The following MAU2 variants were observed in gnomAD, a reference collection of about 807,000 sequenced individuals.
MAU2 encodes the protein MAU2 chromatid cohesion factor homolog.
MAU2 carries 9 observed loss-of-function variants against 89.1 expected under a neutral mutation model. That is an observed-to-expected ratio of 0.10 (90% CI 0.06 to 0.18). The LOEUF is 0.18. Among genes scored for constraint, MAU2 ranks in the 10% least tolerant of loss-of-function variants. The pLI, the probability that MAU2 is intolerant of heterozygous loss-of-function variation, is 1.00. For synonymous variants in MAU2, 357 were observed against 343.4 expected (o/e 1.04, Z -0.44); for missense variants, 425 against 803.5 (o/e 0.53, Z 5.69).
chr19:19,324,772 G>A (rs910734094), intron 1 of MAU2, among the ~76,000 whole-genome samples: 5 of 152,104 alleles, frequency 3.3e-5, no homozygotes, highest in African/African-American at 9.7e-5. Flanking sequence ...TGGAAATCCC[G>A]TTCTTTTTGT....
chr19:19,349,341 A>G lies in MAU2; in HGVS notation c.1453A>G (p.Thr485Ala). Reference protein sequence around the residue: ...YNEAKRFLRETLKMSNAEDLN... With the variant: ...YNEAKRFLREALKMSNAEDLN... Reference sequence around the variant, plus strand: ...CCTTGTCAGGCGATTTCTGCGGGAAACTCTGAAGATGTCCAATGCTGAGGA... The same window carrying G: ...CCTTGTCAGGCGATTTCTGCGGGAAGCTCTGAAGATGTCCAATGCTGAGGA... The change falls in exon 16 of 19, where the codon ACT becomes GCT. Residue 485 changes from threonine (T) to alanine (A), a missense_variant. Physicochemically the swap from Thr to Ala is moderately conservative, Grantham distance 58. Around this residue, in one of 11 missense-constraint regions of MAU2, gnomAD observed 66 missense variants for 129.1 expected, o/e 0.51. Transcript: ENST00000262815. 1 of 1,613,816 alleles carries G rather than the reference A, an allele frequency of 6.2e-7. No homozygotes were observed. The highest frequency in any genetic ancestry group is 8.5e-7 in the Non-Finnish European group (1 of 1,179,922).
In MAU2 at chr19:19,340,646, T is replaced by A. The variant is rs188825634; in HGVS notation, c.552-200T>A. 4.5e-3 allele frequency among the ~76,000 whole-genome samples: 680 copies of A among 151,910 alleles called. 6 individuals carry two copies. The highest frequency in any genetic ancestry group is 0.016 in the African/African-American group (659 of 41,394). On this transcript the variant is annotated intron_variant, in intron 5 of 18. Coordinates refer to ENST00000262815, the MANE Select transcript of MAU2 (RefSeq NM_015329.4). Reference sequence around the variant, plus strand: ...AGAGCGAGACTCCGTCTCAAAAAAATAAATAAATAAATAAAAATAAAAATA... The same window carrying A: ...AGAGCGAGACTCCGTCTCAAAAAAAAAAATAAATAAATAAAAATAAAAATA...
intron 9 of MAU2, 90 bp downstream of exon 9, chr19:19,342,956 CTG>C: frequency 7.2e-7 from 1 of 1,395,478 alleles, no homozygotes; most frequent in Non-Finnish European, 1.0e-6. Flanking sequence ...CCCAGTGACC[CTG>C]TGTGACCGCA....
chr19:19,355,825 C>G lies in MAU2; in HGVS notation c.*43C>G. ...CCAGCTCCGCAGGGCCTGCGCGTCT[C>G]CGGCTTCCACCCAGACGGCACTCAA... On this transcript the variant is annotated 3_prime_UTR_variant, in exon 19 of 19. Transcript: ENST00000262815. The G allele has an allele frequency of 6.4e-7, 1 of 1,551,074 alleles. No individual in the cohort carries two copies. Among genetic ancestry groups the G allele is most frequent in the Non-Finnish European group, 8.8e-7 (1 of 1,135,582 alleles).
At chr19:19,323,585 C>A (rs1356392800) in intron 1 of MAU2, among the ~76,000 whole-genome samples, 1 of 152,176 alleles carries the variant, frequency 6.6e-6, no homozygotes, top group East Asian at 1.9e-4. Context: ...CAGCTCACTG[C>A]AGCCTTGACC....
intron 3 of MAU2, 33 bp downstream of exon 3, chr19:19,336,220 T>G (rs371568276): frequency 1.2e-5 from 18 of 1,461,924 alleles, no homozygotes; most frequent in Non-Finnish European, 1.6e-5. Flanking sequence ...GAAAGCAAAG[T>G]GTCTCTCCGT....
intron 1 of MAU2, among the ~76,000 whole-genome samples, chr19:19,323,368 T>C (rs2061479071): frequency 6.6e-6 from 1 of 151,948 alleles, no homozygotes. Context: ...CTAATTTTTG[T>C]ATTTTTAGTA....
intron 16 of MAU2, among the ~76,000 whole-genome samples, chr19:19,350,616 A>AG (rs1050299307): frequency 6.1e-5 from 9 of 147,904 alleles, no homozygotes; most frequent in African/African-American, 2.0e-4. Flanking sequence ...TCAAAAAAAA[A>AG]AAGGCCGGGC....
At chr19:19,334,788 C>T (rs1330975342) in intron 1 of MAU2, among the ~76,000 whole-genome samples, 1 of 152,206 alleles carries the variant, frequency 6.6e-6, no homozygotes, top group Non-Finnish European at 1.5e-5. Context: ...CCTGCTCCCC[C>T]TTTTCCTGGA....
intron 4 of MAU2, among the ~76,000 whole-genome samples, chr19:19,338,474 C>T (rs893849610): frequency 2.0e-5 from 3 of 152,220 alleles, no homozygotes; most frequent in Admixed American, 6.5e-5. Flanking sequence ...CTTGTCGGCC[C>T]TGGAACACAC....
At chr19:19,328,903 G>A (rs1051724147) in intron 1 of MAU2, among the ~76,000 whole-genome samples, 1 of 152,094 alleles carries the variant, frequency 6.6e-6, no homozygotes, top group Non-Finnish European at 1.5e-5. Context: ...TTTTCTGACT[G>A]CGTATGCCAT....
chr19:19,322,185 A>AGATGG (rs1261468256), intron 1 of MAU2, among the ~76,000 whole-genome samples: 1 of 152,060 alleles, frequency 6.6e-6, no homozygotes, highest in Non-Finnish European at 1.5e-5. Flanking sequence ...TTTTTAGTAG[A>AGATGG]GATGGGGTTT....
intron 7 of MAU2, 146 bp downstream of exon 7, chr19:19,341,553 C>A: frequency 2.0e-6 from 2 of 1,001,322 alleles, no homozygotes; most frequent in Non-Finnish European, 2.9e-6. Flanking sequence ...CCCGGACACA[C>A]ACACTCCTGT....
chr19:19,343,481 C>T (rs1178926455), intron 9 of MAU2, among the ~76,000 whole-genome samples: 1 of 151,476 alleles, frequency 6.6e-6, no homozygotes, highest in Non-Finnish European at 1.5e-5. Context: ...GGTCCCCCTA[C>T]CCGACTGCCT....
intron 16 of MAU2, among the ~76,000 whole-genome samples, chr19:19,351,114 C>T (rs2061740232): frequency 1.3e-5 from 2 of 151,918 alleles, no homozygotes; most frequent in Non-Finnish European, 2.9e-5. Context: ...ATGATCTCAG[C>T]TCAGCTCGTG....
Position 19,357,146 on chromosome 19 carries a change from TG to T in MAU2, c.*1365del, listed in dbSNP as rs2048188950. 6.6e-6 allele frequency: 1 copy of T among 152,268 alleles called. No individual in the cohort carries two copies. The highest frequency in any genetic ancestry group is 6.5e-5 in the Admixed American group (1 of 15,280). 9.4% of individuals were successfully genotyped at this position (152,268 alleles called of 1,614,324 possible). A position where few individuals can be genotyped will look rare whatever the true frequency, so the allele number is the denominator to read the frequency against. ...AGCTGCTTGGGGCTCCCAGGCTGGGTGTGCCTTAGCCACAGGCAGGGCTGTC... is the reference window on the plus strand; with the variant it reads ...AGCTGCTTGGGGCTCCCAGGCTGGGTTGCCTTAGCCACAGGCAGGGCTGTC... On this transcript the variant is annotated 3_prime_UTR_variant, in exon 19 of 19. Coordinates refer to ENST00000262815, the MANE Select transcript of MAU2 (RefSeq NM_015329.4).
chr19:19,334,537 T>A, intron 1 of MAU2: 1 of 985,650 alleles, frequency 1.0e-6, no homozygotes, highest in Non-Finnish European at 1.2e-6. Context: ...CACTGGCTCC[T>A]CCGCACTCCC....
At chr19:19,349,543 C>A in intron 16 of MAU2, 107 bp downstream of exon 16, 1 of 965,532 alleles carries the variant, frequency 1.0e-6, no homozygotes, top group Non-Finnish European at 1.6e-6. Flanking sequence ...CATCCTATGC[C>A]CCTCGAAGAG....
At chr19:19,346,333 C>G (rs946251632) in intron 12 of MAU2, among the ~76,000 whole-genome samples, 2 of 152,114 alleles carry the variant, frequency 1.3e-5, no homozygotes, top group African/African-American at 4.8e-5. Flanking sequence ...GTCTCACTCC[C>G]CACAAGTGGT....
Sources: allele counts gnomAD v4.1 joint callset (sites outside exome capture counted in the v4.1 genomes callset), GRCh38; gene constraint gnomAD v4.1.1; regional missense constraint gnomAD v4.1.1; transcripts MANE v1.5; gene names NCBI Gene and HGNC (gene_info 2026-07-23, HGNC 2026-07-21).